Variants in DLG2 observed in about 807,000 individuals in gnomAD.
DLG2 encodes the protein disks large homolog 2.
DLG2 carries 45 observed loss-of-function variants against 132.5 expected under a neutral mutation model. That is an observed-to-expected ratio of 0.34 (90% confidence interval 0.27 to 0.44). The LOEUF (loss-of-function observed/expected upper bound fraction) is 0.44, where lower values mean the gene tolerates loss of function less well. Ranked by LOEUF, DLG2 falls within the 20% of genes least tolerant of loss-of-function variation. The pLI is 1.00. For synonymous variants in DLG2, 424 were observed against 419.6 expected (o/e 1.01, Z -0.13); for missense variants, 1,045 against 1,196.9 (o/e 0.87, Z 1.87).
At chr11:85,126,662 T>G (rs910983023) in intron 5 of DLG2, among the ~76,000 whole-genome samples, 18 of 152,142 alleles carry the variant, frequency 1.2e-4, no homozygotes, top group African/African-American at 4.3e-4. Flanking sequence ...ACATGCCACC[T>G]TGCAGACATT....
At chr11:84,304,621 GC>G (rs2098194876) in intron 7 of DLG2, among the ~76,000 whole-genome samples, 3 of 152,092 alleles carry the variant, frequency 2.0e-5, no homozygotes, top group African/African-American at 7.2e-5. Context: ...CACAAAAACA[GC>G]TACAGACAAT....
At chr11:83,945,991 C>CTTTTTT (rs1163812479) in intron 14 of DLG2, among the ~76,000 whole-genome samples, 1 of 116,504 alleles carries the variant, frequency 8.6e-6, no homozygotes, top group African/African-American at 4.0e-5. Context: ...TTCTCTCTCT[C>CTTTTTT]TCTTTTTTTT....
intron 7 of DLG2, among the ~76,000 whole-genome samples, chr11:84,320,092 G>C (rs1599816622): frequency 1.3e-5 from 2 of 152,102 alleles, no homozygotes; most frequent in African/African-American, 4.8e-5. Context: ...ATGAAATTCT[G>C]GCCAAACAAG....
intron 16 of DLG2, among the ~76,000 whole-genome samples, chr11:83,836,018 T>C (rs1368292836): frequency 1.3e-5 from 2 of 152,172 alleles, no homozygotes; most frequent in Admixed American, 6.5e-5. Flanking sequence ...CCAGGATTTG[T>C]GGCTGGCAAA....
At chr11:84,259,031 G>C (rs1019719168) in intron 7 of DLG2, among the ~76,000 whole-genome samples, 1 of 152,152 alleles carries the variant, frequency 6.6e-6, no homozygotes, top group African/African-American at 2.4e-5. Flanking sequence ...CAGTGCTTCG[G>C]GATGCCAAGC....
chr11:85,278,456 TG>T (rs1446674102), intron 4 of DLG2, among the ~76,000 whole-genome samples: 1 of 152,076 alleles, frequency 6.6e-6, no homozygotes, highest in Admixed American at 6.6e-5. Context: ...CAAAATTAGC[TG>T]GGCATGGTAG....
intron 9 of DLG2, among the ~76,000 whole-genome samples, chr11:84,155,830 C>T (rs1480913292): frequency 1.3e-5 from 2 of 152,054 alleles, no homozygotes; most frequent in Admixed American, 6.6e-5. Flanking sequence ...AGAGGACATC[C>T]ATGGATGCCT....
chr11:85,255,753 G>A (rs748237593), intron 4 of DLG2, among the ~76,000 whole-genome samples: 1 of 152,144 alleles, frequency 6.6e-6, no homozygotes, highest in Non-Finnish European at 1.5e-5. Context: ...AATTATATTA[G>A]CTCACTGCTG....
intron 3 of DLG2, among the ~76,000 whole-genome samples, chr11:85,402,952 G>C (rs577051470): frequency 6.6e-6 from 1 of 152,096 alleles, no homozygotes; most frequent in Non-Finnish European, 1.5e-5. Context: ...CAAGGATCTA[G>C]AACTGGCAAT....
chr11:84,889,043 A>C, intron 6 of DLG2, among the ~76,000 whole-genome samples: 1 of 152,198 alleles, frequency 6.6e-6, no homozygotes, highest in African/African-American at 2.4e-5. Flanking sequence ...CCTTGGCATA[A>C]GGCCTCAATA....
intron 6 of DLG2, among the ~76,000 whole-genome samples, chr11:84,674,890 CA>C (rs2099709641): frequency 6.6e-6 from 1 of 152,116 alleles, no homozygotes; most frequent in African/African-American, 2.4e-5. Flanking sequence ...TCCATCTCAC[CA>C]AGTCTTCCCA....
At chr11:83,479,375 G>C (rs1015929957) in intron 22 of DLG2, among the ~76,000 whole-genome samples, 1 of 51,318 alleles carries the variant, frequency 1.9e-5, no homozygotes, top group Non-Finnish European at 4.1e-5. Context: ...ATGCTATAAC[G>C]GGGGGGGGAA....
intron 3 of DLG2, among the ~76,000 whole-genome samples, chr11:85,330,802 A>G (rs1317972327): frequency 1.3e-5 from 2 of 150,184 alleles, no homozygotes; most frequent in Non-Finnish European, 3.0e-5. Flanking sequence ...TAAAAAAAAA[A>G]AAAAAAAAAA....
chr11:84,724,165 C>T (rs2062141709), intron 6 of DLG2, among the ~76,000 whole-genome samples: 1 of 152,070 alleles, frequency 6.6e-6, no homozygotes, highest in Non-Finnish European at 1.5e-5. Context: ...TTTGAGCAAG[C>T]TACTCAGCCT....
chr11:84,399,276 T>G (rs1009602184), intron 7 of DLG2, among the ~76,000 whole-genome samples: 1 of 152,148 alleles, frequency 6.6e-6, no homozygotes, highest in Non-Finnish European at 1.5e-5. Flanking sequence ...CTCTGGCCTC[T>G]TCAGGGGTCT....
chr11:85,217,597 C>A (rs991451503), intron 4 of DLG2, among the ~76,000 whole-genome samples: 1 of 152,162 alleles, frequency 6.6e-6, no homozygotes, highest in Non-Finnish European at 1.5e-5. Context: ...TTAGTTAGAG[C>A]CTTTCTATGT....
At chr11:84,782,400 C>T (rs2071969013) in intron 6 of DLG2, among the ~76,000 whole-genome samples, 1 of 151,608 alleles carries the variant, frequency 6.6e-6, no homozygotes, top group South Asian at 2.1e-4. Context: ...ACCCACCCAC[C>T]TACATACACA....
chr11:84,502,678 G>A (rs912679294), intron 7 of DLG2, among the ~76,000 whole-genome samples: 1 of 151,822 alleles, frequency 6.6e-6, no homozygotes, highest in Admixed American at 6.6e-5. Flanking sequence ...CATTACAGGA[G>A]AACCATTTCA....
At chr11:85,202,936 T>C (rs2081574363) in intron 4 of DLG2, among the ~76,000 whole-genome samples, 1 of 151,386 alleles carries the variant, frequency 6.6e-6, no homozygotes, top group Admixed American at 6.6e-5. Flanking sequence ...AATATCTACA[T>C]AAAAAATCTA....
Sources: gnomAD v4.1 joint callset for allele counts (sites outside exome capture counted in the v4.1 genomes callset) on GRCh38, gnomAD v4.1.1 for gene constraint, MANE v1.5 for transcripts, NCBI Gene and HGNC (gene_info 2026-07-23, HGNC 2026-07-21) for gene names.